SPTLC3: variants seen among roughly 807,000 people sequenced by gnomAD.
SPTLC3 encodes serine palmitoyltransferase long chain base subunit 3.
In SPTLC3, 36 loss-of-function variants were observed where a neutral mutation model predicts 59.3. The observed-to-expected ratio is 0.61, with a 90% CI of 0.47 to 0.80. SPTLC3 has a LOEUF of 0.80. Among genes scored for constraint, SPTLC3 ranks in the 30% least tolerant of loss-of-function variants. The pLI, the probability that SPTLC3 is intolerant of heterozygous loss-of-function variation, is 0.00. For synonymous variants in SPTLC3, 257 were observed against 240.8 expected (o/e 1.07, Z -0.62); for missense variants, 625 against 685.1 (o/e 0.91, Z 0.98).
chr20:13,099,215 A>G (rs1989523687), intron 6 of SPTLC3, among the ~76,000 whole-genome samples: 1 of 152,184 alleles, frequency 6.6e-6, no homozygotes, highest in Admixed American at 6.5e-5. Flanking sequence ...GCAATGTGAG[A>G]AAGACTTAAA....
rs1031508373 is a variant in SPTLC3 at position 13,164,371 on chromosome 20, C to T, written c.1546-383C>T. 1.9e-5 allele frequency: 9 copies of T among 473,128 alleles called. No individual in the cohort carries two copies. The Middle Eastern group carries it at 1.3e-3, about 68-fold the overall frequency. 29.3% of individuals were successfully genotyped at this position (473,128 alleles called of 1,614,324 possible). Reference sequence around the variant, plus strand: ...TTCTTGGCCAGGTGATTTGCTGTGTCATGAAGATATAACTTCAAATGCATT... The same window carrying T: ...TTCTTGGCCAGGTGATTTGCTGTGTTATGAAGATATAACTTCAAATGCATT... On this transcript the variant is annotated intron_variant, in intron 11 of 11. Coordinates refer to ENST00000399002, the MANE Select transcript of SPTLC3 (RefSeq NM_018327.4).
chr20:13,068,532 T>C (rs1387896266), intron 2 of SPTLC3, among the ~76,000 whole-genome samples: 2 of 152,120 alleles, frequency 1.3e-5, no homozygotes, highest in Non-Finnish European at 2.9e-5. Context: ...TTTAAAGGAA[T>C]GGGGTGGAGT....
intron 7 of SPTLC3, among the ~76,000 whole-genome samples, chr20:13,114,418 G>T (rs1300699887): frequency 6.6e-6 from 1 of 152,146 alleles, no homozygotes; most frequent in Non-Finnish European, 1.5e-5. Flanking sequence ...CTTGAGGTGT[G>T]GTGTCCCAAA....
At chr20:13,098,588 CTT>C (rs1248500487) in intron 6 of SPTLC3, among the ~76,000 whole-genome samples, 4 of 152,148 alleles carry the variant, frequency 2.6e-5, no homozygotes, top group Non-Finnish European at 5.9e-5. Flanking sequence ...CATTCAGTAA[CTT>C]ATTCTTCATG....
rs144552467 is a variant in SPTLC3, at chr20:13,087,879, T to C, written c.608-3204T>C. Among the ~76,000 whole-genome samples the C allele has an allele frequency of 2.6e-4, 40 of 152,330 alleles. No homozygotes were observed. The East Asian group carries it at 7.1e-3, about 27-fold the overall frequency. ...GAAGAGAAAAATGACCAGTTTTCCC[T>C]GGGGAAGCTGAGAAAGGCATTAGAG... On this transcript the variant is annotated intron_variant, in intron 4 of 11. Transcript: ENST00000399002.
At chr20:13,065,952 A>G (rs1988188307) in intron 2 of SPTLC3, among the ~76,000 whole-genome samples, 1 of 152,178 alleles carries the variant, frequency 6.6e-6, no homozygotes, top group Non-Finnish European at 1.5e-5. Context: ...TTTCTTATTA[A>G]TTTCAAGTAT....
At chr20:13,116,870 C>T (rs945254002) in intron 7 of SPTLC3, among the ~76,000 whole-genome samples, 5 of 152,120 alleles carry the variant, frequency 3.3e-5, no homozygotes, top group African/African-American at 9.7e-5. Context: ...TGTGTTTTAA[C>T]AAATCCTTCA....
intron 2 of SPTLC3, among the ~76,000 whole-genome samples, chr20:13,052,288 C>G (rs954139685): frequency 1.3e-5 from 2 of 152,178 alleles, no homozygotes; most frequent in Non-Finnish European, 2.9e-5. Context: ...ACTCCCTCCC[C>G]TAGCCAAGGG....
At position 13,038,045 on chromosome 20, in the gene SPTLC3, A is replaced by AATATATATATATAT. The variant is rs74181398; in HGVS notation, c.118-10898_118-10885dup. ...GCTGGAAAATACAGAGAAAATCATG[A>AATATATATATATAT]ATATATATATATATAATATATCTTC... On this transcript the variant is annotated intron_variant, in intron 1 of 11. Coordinates refer to ENST00000399002, the MANE Select transcript of SPTLC3 (RefSeq NM_018327.4). 2.2e-4 allele frequency among the ~76,000 whole-genome samples: 31 copies of AATATATATATATAT among 139,604 alleles called. 1 individual carries two copies. Among genetic ancestry groups the AATATATATATATAT allele is most frequent in the African/African-American group, 7.1e-4 (26 of 36,526 alleles). 91.6% of individuals were successfully genotyped at this position (139,604 alleles called of 152,430 possible). A position where few individuals can be genotyped will look rare whatever the true frequency, so the allele number is the denominator to read the frequency against.
intron 8 of SPTLC3, among the ~76,000 whole-genome samples, chr20:13,118,252 G>A (rs977135467): frequency 1.3e-5 from 2 of 151,984 alleles, no homozygotes; most frequent in Admixed American, 6.6e-5. Flanking sequence ...TAATCAAAAC[G>A]GTGGCAGGAA....
At chr20:13,095,359 T>C (rs751380590) in intron 6 of SPTLC3, among the ~76,000 whole-genome samples, 19 of 152,174 alleles carry the variant, frequency 1.2e-4, no homozygotes, top group Admixed American at 4.6e-4. Context: ...CCTTGTTTCT[T>C]CACTCCATTC....
chr20:13,010,860 G>A (rs1985203766), intron 1 of SPTLC3, among the ~76,000 whole-genome samples: 1 of 151,934 alleles, frequency 6.6e-6, no homozygotes, highest in Non-Finnish European at 1.5e-5. Context: ...TCACATTCGA[G>A]GTATGAGATT....
At chr20:13,044,981 C>A (rs939927836) in intron 1 of SPTLC3, among the ~76,000 whole-genome samples, 2 of 138,228 alleles carry the variant, frequency 1.4e-5, no homozygotes, top group Admixed American at 1.6e-4. Context: ...ACATTATGGT[C>A]ATTTGTGTCC....
intron 9 of SPTLC3, among the ~76,000 whole-genome samples, chr20:13,151,670 G>A (rs146385210): frequency 6.6e-6 from 1 of 152,222 alleles, no homozygotes; most frequent in Non-Finnish European, 1.5e-5. Flanking sequence ...ACACAATTAA[G>A]GTGTCACAGA....
intron 4 of SPTLC3, 58 bp downstream of exon 4, chr20:13,074,555 T>A: frequency 6.5e-7 from 1 of 1,544,982 alleles, no homozygotes; most frequent in Non-Finnish European, 8.8e-7. Flanking sequence ...TCCTTGTGTC[T>A]GTCTCTCAAA....
At chr20:13,032,301 A>T (rs1233780509) in intron 1 of SPTLC3, among the ~76,000 whole-genome samples, 2 of 152,202 alleles carry the variant, frequency 1.3e-5, no homozygotes, top group Admixed American at 1.3e-4. Flanking sequence ...ATTGACTTAG[A>T]ACCTTCACCC....
At chr20:13,013,209 G>A (rs1985346138) in intron 1 of SPTLC3, among the ~76,000 whole-genome samples, 2 of 152,192 alleles carry the variant, frequency 1.3e-5, no homozygotes, top group Admixed American at 6.5e-5. Context: ...CATTTAAGCT[G>A]AACTTCTATT....
intron 1 of SPTLC3, among the ~76,000 whole-genome samples, chr20:13,044,900 A>G (rs1026731229): frequency 7.9e-5 from 12 of 151,962 alleles, no homozygotes; most frequent in Non-Finnish European, 1.8e-4. Flanking sequence ...CTCCTCAAGA[A>G]TCACTCCTGA....
intron 6 of SPTLC3, among the ~76,000 whole-genome samples, chr20:13,097,461 T>A (rs1989457006): frequency 6.6e-6 from 1 of 152,138 alleles, no homozygotes; most frequent in South Asian, 2.1e-4. Flanking sequence ...AAGCTTTAAG[T>A]TAAAGCTTTG....
Sources: allele counts gnomAD v4.1 joint callset (sites outside exome capture counted in the v4.1 genomes callset), GRCh38; gene constraint gnomAD v4.1.1; transcripts MANE v1.5; gene names NCBI Gene and HGNC (gene_info 2026-07-23, HGNC 2026-07-21).